The following ZNF430 variants were observed in gnomAD, a reference collection of about 807,000 sequenced individuals.
The protein encoded by ZNF430 is zinc finger protein 430.
In ZNF430, 35 loss-of-function variants were observed where a neutral mutation model predicts 56.7. The ratio of observed to expected loss-of-function variants is 0.62; its 90% CI spans 0.47 to 0.82. The LOEUF (loss-of-function observed/expected upper bound fraction) is 0.82, where lower values mean the gene tolerates loss of function less well. Among genes scored for constraint, ZNF430 ranks in the 40% least tolerant of loss-of-function variants. ZNF430 has a pLI of 0.00. For synonymous variants in ZNF430, 212 were observed against 224.3 expected (o/e 0.94, Z 0.49); for missense variants, 574 against 661.0 (o/e 0.87, Z 1.44).
At position 21,037,281 on chromosome 19, in the gene ZNF430, A is replaced by AT. The variant is rs1482471038; in HGVS notation, c.322+3104dup. On this transcript the variant is annotated intron_variant, in intron 4 of 4. Transcript: ENST00000261560. ...AGGCATGTGCCACCATGCCCAGCTA[A>AT]TTTTTTTCTTATTTTTAGTAGAGAG... Among the ~76,000 whole-genome samples, 7 of 151,782 alleles carry AT rather than the reference A, an allele frequency of 4.6e-5. No homozygotes were observed. In the South Asian group the frequency reaches 1.5e-3, roughly 32 times the overall value.
At chr19:21,050,623 G>A (rs73531882) in intron 4 of ZNF430, among the ~76,000 whole-genome samples, 4,792 of 152,078 alleles carry the variant, frequency 0.032, 240 homozygotes, top group African/African-American at 0.11. Context: ...AAACACTCTT[G>A]GATTTGAAGA....
chr19:21,038,348 T>C (rs1435734875), intron 4 of ZNF430, among the ~76,000 whole-genome samples: 1 of 152,190 alleles, frequency 6.6e-6, no homozygotes, highest in East Asian at 1.9e-4. Flanking sequence ...GTTTCATTTC[T>C]GGGCTCCATA....
At chr19:21,026,110 CCT>C (rs763625681) in intron 2 of ZNF430, 1 of 209,772 alleles carries the variant, frequency 4.8e-6, no homozygotes. Context: ...CGTCTCTTGA[CCT>C]CATGATCCAC....
At chr19:21,029,170 C>G (rs1223196618) in intron 2 of ZNF430, among the ~76,000 whole-genome samples, 1 of 152,112 alleles carries the variant, frequency 6.6e-6, no homozygotes. Flanking sequence ...TCCTTACTAT[C>G]CAGGAACATG....
At chr19:21,033,134 C>T (rs1389522744) in intron 2 of ZNF430, among the ~76,000 whole-genome samples, 1 of 152,032 alleles carries the variant, frequency 6.6e-6, no homozygotes, top group Non-Finnish European at 1.5e-5. Context: ...GCGGGTGGCT[C>T]ACCTGAGGTT....
chr19:21,052,125 G>A (rs2144787172), intron 4 of ZNF430, among the ~76,000 whole-genome samples: 1 of 152,140 alleles, frequency 6.6e-6, no homozygotes, highest in African/African-American at 2.4e-5. Context: ...AAATTTTTCA[G>A]TTTTTGTCTG....
intron 4 of ZNF430, among the ~76,000 whole-genome samples, chr19:21,053,840 C>T (rs1352444083): frequency 6.6e-6 from 1 of 151,892 alleles, no homozygotes; most frequent in Admixed American, 6.6e-5. Flanking sequence ...GTATCTTTGT[C>T]TCTCATTTTC....
rs1568593888 is a variant in ZNF430, at chr19:21,056,702, T to C, written c.394T>C (p.Leu132=). 1 of 1,606,032 alleles carries C rather than the reference T, an allele frequency of 6.2e-7. No homozygotes were observed. Among genetic ancestry groups the C allele is most frequent in the South Asian group, 1.1e-5 (1 of 89,510 alleles). Residue 132 remains leucine (L), a synonymous_variant, in exon 5 of 5, where the codon TTG becomes CTG. Transcript: ENST00000261560. The part of the protein sequence containing the change: ...GIKDSFQEVI[L]RRYGKCGHED... ...AAAAGATTCTTTCCAAGAAGTCATA[T>C]TGAGAAGATATGGAAAATGTGGACA...
chr19:21,047,116 C>T (rs1968197040), intron 4 of ZNF430, among the ~76,000 whole-genome samples: 3 of 152,100 alleles, frequency 2.0e-5, no homozygotes, highest in African/African-American at 4.8e-5. Context: ...TTCCTTGCTT[C>T]GTCTACTCAG....
chr19:21,059,543 CAAAAAAAAA>C lies in ZNF430; in HGVS notation c.*1533_*1541del, dbSNP rs71174793. On this transcript the variant is annotated 3_prime_UTR_variant, in exon 5 of 5. Coordinates refer to ENST00000261560, the MANE Select transcript of ZNF430 (RefSeq NM_025189.4). ...GGGCAACAAGAGTGAAACTCCATTTCAAAAAAAAAAAAAAAAAAACAACTAAAGTTGGTA... is the reference window on the plus strand; with the variant it reads ...GGGCAACAAGAGTGAAACTCCATTTCAAAAAAAAAACAACTAAAGTTGGTA... 5 of 102,250 alleles carry C rather than the reference CAAAAAAAAA, an allele frequency of 4.9e-5. No individual in the cohort carries two copies. Among genetic ancestry groups the C allele is most frequent in the African/African-American group, 1.1e-4 (3 of 27,762 alleles). The allele number at this position is 102,250 out of a possible 1,614,324, so 6.3% of individuals were successfully genotyped here. A position where few individuals can be genotyped will look rare whatever the true frequency, so the allele number is the denominator to read the frequency against.
At position 21,057,677 on chromosome 19, in the gene ZNF430, T is replaced by A; in HGVS notation, c.1369T>A (p.Tyr457Asn). Residue 457 changes from tyrosine to asparagine, a missense_variant, in exon 5 of 5, where the codon TAC becomes AAC. Physicochemically the swap from Tyr to Asn is moderately radical, Grantham distance 143. Around this residue, in one of 3 missense-constraint regions of ZNF430, gnomAD observed 213 missense variants for 221.0 expected, o/e 0.96. Transcript: ENST00000261560. ...HKIIHTGEKP[Y>N]KCEECGKAFN... ...GATAATTCATACTGGAGAGAAACCC[T>A]ACAAATGTGAAGAATGTGGCAAAGC... 6.2e-7 allele frequency: 1 copy of A among 1,611,642 alleles called. No homozygotes were observed. The highest frequency in any genetic ancestry group is 1.1e-5 in the South Asian group (1 of 90,528).
chr19:21,021,424 G>A (rs1967681059), intron 1 of ZNF430, among the ~76,000 whole-genome samples: 1 of 151,956 alleles, frequency 6.6e-6, no homozygotes, highest in South Asian at 2.1e-4. Context: ...ACTTGAACCT[G>A]GGAGGTGGAG....
chr19:21,050,136 G>A (rs1374348729), intron 4 of ZNF430, among the ~76,000 whole-genome samples: 2 of 151,844 alleles, frequency 1.3e-5, no homozygotes, highest in Non-Finnish European at 2.9e-5. Context: ...CGCCTGCCTC[G>A]GCCTCCCAAA....
intron 4 of ZNF430, among the ~76,000 whole-genome samples, chr19:21,052,842 C>T (rs1295001616): frequency 2.6e-5 from 4 of 152,066 alleles, no homozygotes; most frequent in South Asian, 2.1e-4. Flanking sequence ...TGGAGAACAG[C>T]GAAAGTGAGA....
At chr19:21,047,490 A>C (rs1968202190) in intron 4 of ZNF430, among the ~76,000 whole-genome samples, 1 of 152,018 alleles carries the variant, frequency 6.6e-6, no homozygotes, top group Non-Finnish European at 1.5e-5. Flanking sequence ...TCGATCTTTG[A>C]GGCTGCTGAC....
chr19:21,056,598 A>G (rs755478286), intron 4 of ZNF430, 33 bp from the exon 5 acceptor site: 4 of 1,443,728 alleles, frequency 2.8e-6, no homozygotes, highest in East Asian at 4.6e-5. Flanking sequence ...GAGTCTAGTA[A>G]ATGGAGTAAT....
chr19:21,041,941 T>A (rs1216407839), intron 4 of ZNF430, among the ~76,000 whole-genome samples: 1 of 152,172 alleles, frequency 6.6e-6, no homozygotes, highest in Non-Finnish European at 1.5e-5. Flanking sequence ...CTTGATCTCC[T>A]GACCTCGTGA....
Position 21,020,730 on chromosome 19 carries a change from C to T in ZNF430, c.-71C>T, listed in dbSNP as rs1974280707. The stretch of plus-strand genomic sequence containing the variant: ...TCCTCTGCTCCTAGAGGTCCAGGCT[C>T]TGTGGCCCTGTGACCCGCAGGTATT... On this transcript the variant is annotated 5_prime_UTR_variant, in exon 1 of 5. Coordinates refer to ENST00000261560, the MANE Select transcript of ZNF430 (RefSeq NM_025189.4). 6.3e-7 allele frequency: 1 copy of T among 1,598,880 alleles called. No individual in the cohort carries two copies. Among genetic ancestry groups the T allele is most frequent in the Non-Finnish European group, 8.6e-7 (1 of 1,166,954 alleles).
intron 1 of ZNF430, 124 bp downstream of exon 1, chr19:21,020,927 C>T (rs1974286234): frequency 7.4e-7 from 1 of 1,357,506 alleles, no homozygotes. Flanking sequence ...CGAGTTCTTG[C>T]CCAGCTGGGC....
Sources: allele counts gnomAD v4.1 joint callset (sites outside exome capture counted in the v4.1 genomes callset), GRCh38; gene constraint gnomAD v4.1.1; regional missense constraint gnomAD v4.1.1; transcripts MANE v1.5; gene names NCBI Gene and HGNC (gene_info 2026-07-23, HGNC 2026-07-21).